The following OGN variants were observed in gnomAD, a reference collection of about 807,000 sequenced individuals.
The protein encoded by OGN is osteoglycin.
Under a neutral mutation model 30.8 loss-of-function variants are expected in OGN, and 19 were observed. The ratio of observed to expected loss-of-function variants is 0.62; its 90% CI spans 0.43 to 0.90. The LOEUF (loss-of-function observed/expected upper bound fraction) is 0.90. Ranked by LOEUF, OGN falls within the 40% of genes least tolerant of loss-of-function variation. The pLI is 0.00. For missense variants in OGN, 283 were observed against 349.7 expected (o/e 0.81, Z 1.52); for synonymous variants, 126 against 128.3 (o/e 0.98, Z 0.12).
intron 5 of OGN, among the ~76,000 whole-genome samples, chr9:92,388,853 G>A (rs976130311): frequency 1.3e-5 from 2 of 148,460 alleles, no homozygotes; most frequent in African/African-American, 4.9e-5. Flanking sequence ...AAAAAAAGGT[G>A]TATCTGCTTT....
chr9:92,395,286 T>C (rs1461897251), intron 3 of OGN, among the ~76,000 whole-genome samples: 1 of 152,212 alleles, frequency 6.6e-6, no homozygotes, highest in East Asian at 1.9e-4. Flanking sequence ...ATTAAAAGAA[T>C]CATGGAGTAT....
Position 92,384,909 on chromosome 9 carries a change from T to G in OGN, c.*711A>C, listed in dbSNP as rs937685764. 6.6e-6 allele frequency: 1 copy of G among 152,482 alleles called. No homozygotes were observed. Among genetic ancestry groups the G allele is most frequent in the African/African-American group, 2.4e-5 (1 of 41,436 alleles). The allele number at this position is 152,482 out of a possible 1,614,324, so 9.4% of individuals were successfully genotyped here. On this transcript the variant is annotated 3_prime_UTR_variant, in exon 7 of 7. Coordinates refer to ENST00000375561, the MANE Select transcript of OGN (RefSeq NM_014057.5). Reference sequence around the variant, plus strand: ...GTTTTGGCCTGCTTGAGTTTAAAACTTTTTTTGGTAGACTTAGAATGTTAA... The same window carrying G: ...GTTTTGGCCTGCTTGAGTTTAAAACGTTTTTTGGTAGACTTAGAATGTTAA...
At chr9:92,395,983 T>TA (rs1842877318) in intron 3 of OGN, among the ~76,000 whole-genome samples, 1 of 152,192 alleles carries the variant, frequency 6.6e-6, no homozygotes, top group South Asian at 2.1e-4. Flanking sequence ...AGAAGTTGTA[T>TA]AGTTTAAGAT....
chr9:92,395,097 A>G (rs1018906642), intron 3 of OGN, among the ~76,000 whole-genome samples: 1 of 151,960 alleles, frequency 6.6e-6, no homozygotes, highest in African/African-American at 2.4e-5. Context: ...AACATATACG[A>G]TTTTTACATA....
intron 3 of OGN, among the ~76,000 whole-genome samples, chr9:92,395,592 A>G (rs976519379): frequency 2.6e-5 from 4 of 152,120 alleles, no homozygotes; most frequent in African/African-American, 9.7e-5. Flanking sequence ...GTGTCAAACT[A>G]TTTTCCAAAG....
intron 3 of OGN, among the ~76,000 whole-genome samples, chr9:92,394,201 A>G (rs1383448199): frequency 6.6e-6 from 1 of 151,994 alleles, no homozygotes; most frequent in Non-Finnish European, 1.5e-5. Flanking sequence ...TTTTATATCA[A>G]TATGAACTTG....
At chr9:92,402,797 A>G (rs1281785206) in intron 2 of OGN, among the ~76,000 whole-genome samples, 1 of 152,142 alleles carries the variant, frequency 6.6e-6, no homozygotes, top group Non-Finnish European at 1.5e-5. Context: ...AATAACCAGT[A>G]CTCTTCTATG....
Position 92,403,304 on chromosome 9 carries a change from G to A in OGN, c.104C>T (p.Thr35Ile), listed in dbSNP as rs769450525. The A allele has an allele frequency of 2.7e-5, 43 of 1,611,596 alleles. No individual in the cohort carries two copies. Among genetic ancestry groups the A allele is most frequent in the Non-Finnish European group, 3.6e-5 (42 of 1,178,138 alleles). Reference protein sequence around the residue: ...QDSRIIYDYGTDNFEESIFSQ... With the variant: ...QDSRIIYDYGIDNFEESIFSQ... ...AAATATGGATTCTTCAAAATTATCT[G>A]TTCCATAATCATAGATAATGCGTGA... The change falls in exon 2 of 7, where the codon ACA becomes ATA. Residue 35 changes from threonine (T) to isoleucine (I), a missense_variant. Physicochemically the swap from Thr to Ile is moderately conservative, Grantham distance 89. Coordinates refer to ENST00000375561, the MANE Select transcript of OGN (RefSeq NM_014057.5).
chr9:92,389,851 T>TA lies in OGN; in HGVS notation c.630+2dup. 6.3e-7 allele frequency: 1 copy of TA among 1,587,988 alleles called. No individual in the cohort carries two copies. Among genetic ancestry groups the TA allele is most frequent in the Non-Finnish European group, 8.6e-7 (1 of 1,158,166 alleles). ...ATGCTTAGTTTTACTATAAAATACTTACTTTGAATGCATTTGCTTTGATTC... is the reference window on the plus strand; with the variant it reads ...ATGCTTAGTTTTACTATAAAATACTTAACTTTGAATGCATTTGCTTTGATTC... On this transcript the variant is annotated splice_region_variant and intron_variant, in intron 5 of 6. Coordinates refer to ENST00000375561, the MANE Select transcript of OGN (RefSeq NM_014057.5).
At chr9:92,392,086 C>T (rs1842710134) in intron 4 of OGN, among the ~76,000 whole-genome samples, 1 of 151,668 alleles carries the variant, frequency 6.6e-6, no homozygotes, top group South Asian at 2.1e-4. Flanking sequence ...TGATCTAGGA[C>T]TGGGATTTGG....
rs774163881 is a variant in OGN at position 92,403,342 on chromosome 9, T to A, written c.66A>T (p.Pro22=). 9 of 1,613,468 alleles carry A rather than the reference T, an allele frequency of 5.6e-6. No individual in the cohort carries two copies. The South Asian group carries it at 9.9e-5, about 18-fold the overall frequency. The change falls in exon 2 of 7, where the codon CCA becomes CCT. Residue 22 remains proline, a synonymous_variant. Transcript: ENST00000375561. ...LLVPLIKPAP[P]TQQDSRIIYD... is the part of the protein sequence containing the mutation. ...AGATAATGCGTGAGTCCTGCTGGGT[T>A]GGTGGTGCTGGCTTTATCAGAGGCA...
chr9:92,391,769 T>C (rs1450914857), intron 4 of OGN, among the ~76,000 whole-genome samples: 1 of 152,198 alleles, frequency 6.6e-6, no homozygotes, highest in East Asian at 1.9e-4. Flanking sequence ...CAGATGGGAA[T>C]GTGCATGTCA....
At chr9:92,392,732 A>C in intron 4 of OGN, among the ~76,000 whole-genome samples, 1 of 152,188 alleles carries the variant, frequency 6.6e-6, no homozygotes, top group Non-Finnish European at 1.5e-5. Flanking sequence ...TTTATAGTCC[A>C]GGTAGAAAAT....
intron 3 of OGN, among the ~76,000 whole-genome samples, chr9:92,399,912 A>G (rs1393345179): frequency 1.3e-5 from 2 of 152,184 alleles, no homozygotes; most frequent in African/African-American, 2.4e-5. Flanking sequence ...GTTTTATAAT[A>G]TATTTTAATG....
rs762538825 is a variant in OGN, at chr9:92,389,877, C to T, written c.607G>A (p.Gly203Arg). The change falls in exon 5 of 7, where the codon GGA (glycine) becomes AGA (arginine). Residue 203 changes from glycine (G) to arginine (R), a missense_variant. Coordinates refer to ENST00000375561, the MANE Select transcript of OGN (RefSeq NM_014057.5). ...NAKYNKIKSR[G>R]IKANAFKKLN... is the part of the protein sequence containing the mutation. ...ACTTTGAATGCATTTGCTTTGATTC[C>T]CCTACTCTTGATTTTGTTGTATTTT... 4 of 1,611,500 alleles carry T rather than the reference C, an allele frequency of 2.5e-6. No homozygotes were observed. Among genetic ancestry groups the T allele is most frequent in the Non-Finnish European group, 2.5e-6 (3 of 1,178,420 alleles).
intron 4 of OGN, among the ~76,000 whole-genome samples, chr9:92,391,484 A>G (rs1458006638): frequency 6.6e-6 from 1 of 152,154 alleles, no homozygotes; most frequent in Non-Finnish European, 1.5e-5. Context: ...CTGTAGTCTC[A>G]GCTACTTGCG....
At chr9:92,386,175 A>C (rs1842411999) in intron 6 of OGN, 26 bp downstream of exon 6, 1 of 1,479,402 alleles carries the variant, frequency 6.8e-7, no homozygotes. Context: ...AATTAGAGTC[A>C]GATATTGTGA....
In OGN at chr9:92,390,291, CTTAAAG is replaced by C. The variant is rs368608486; in HGVS notation, c.428-241_428-236del. Among the ~76,000 whole-genome samples the C allele has an allele frequency of 7.9e-3, 1,207 of 152,264 alleles. 10 individuals carry two copies. The highest frequency in any genetic ancestry group is 0.028 in the African/African-American group (1,144 of 41,558). ...CTAGAATCTCAGGTTTGAAAGTGAT[CTTAAAG>C]TTAATCGAGTCTTTTCATCTTTCTC... is the stretch of plus-strand genomic sequence containing the variant. On this transcript the variant is annotated intron_variant, in intron 4 of 6. Coordinates refer to ENST00000375561, the MANE Select transcript of OGN (RefSeq NM_014057.5).
At chr9:92,396,218 C>CT (rs1439773437) in intron 3 of OGN, among the ~76,000 whole-genome samples, 5 of 152,174 alleles carry the variant, frequency 3.3e-5, no homozygotes, top group Non-Finnish European at 7.3e-5. Context: ...TGGTGACCCA[C>CT]TTTAACATTT....
Sources: gnomAD v4.1 joint callset for allele counts (sites outside exome capture counted in the v4.1 genomes callset) on GRCh38, gnomAD v4.1.1 for gene constraint, MANE v1.5 for transcripts, NCBI Gene and HGNC (gene_info 2026-07-23, HGNC 2026-07-21) for gene names.